Variants in PWWP3A observed in about 807,000 individuals in gnomAD.
PWWP3A encodes the protein PWWP domain-containing DNA repair factor 3A.
In PWWP3A, 53 loss-of-function variants were observed where a neutral mutation model predicts 79.0. The observed-to-expected ratio is 0.67, with a 90% CI of 0.54 to 0.84. The LOEUF is 0.84. Ranked by LOEUF, PWWP3A falls within the 40% of genes least tolerant of loss-of-function variation. The pLI, the probability that PWWP3A is intolerant of heterozygous loss-of-function variation, is 0.00. For synonymous variants in PWWP3A, 443 were observed against 394.4 expected (o/e 1.12, Z -1.46); for missense variants, 973 against 948.0 (o/e 1.03, Z -0.35).
rs2082195819 is a variant in PWWP3A at position 1,369,148 on chromosome 19, G to A, written c.1423-117G>A. Reference sequence around the variant, plus strand: ...CTTTGTCAGGGAGGGTCAGAGGTGCGGGCTGGAGCGTGAGCAGCCTGGACA... The same window carrying A: ...CTTTGTCAGGGAGGGTCAGAGGTGCAGGCTGGAGCGTGAGCAGCCTGGACA... On this transcript the variant is annotated intron_variant, in intron 9 of 13. Transcript: ENST00000591337. This position sits in a 1 kb window ranked among gnomAD's most constrained non-coding sequence, Gnocchi z 4.0. 9.3e-6 allele frequency: 8 copies of A among 857,194 alleles called. No homozygotes were observed. The highest frequency in any genetic ancestry group is 1.1e-5 in the Non-Finnish European group (6 of 522,536). The allele number at this position is 857,194 out of a possible 1,614,324, so 53.1% of individuals were successfully genotyped here.
chr19:1,366,789 C>A (rs913489691), intron 8 of PWWP3A, among the ~76,000 whole-genome samples: 1 of 152,246 alleles, frequency 6.6e-6, no homozygotes, highest in African/African-American at 2.4e-5. Flanking sequence ...TGAAAGCACA[C>A]GTGGATGGAT....
chr19:1,358,873 CAGTT>C (rs571226423), intron 4 of PWWP3A: 238 of 412,198 alleles, frequency 5.8e-4, no homozygotes, highest in Non-Finnish European at 9.6e-4. Flanking sequence ...GTTTGAGAAG[CAGTT>C]GGTTGTGTGT....
chr19:1,370,504 T>G, intron 11 of PWWP3A, 138 bp from the exon 12 acceptor site: 1 of 739,020 alleles, frequency 1.4e-6, no homozygotes, highest in South Asian at 2.9e-5. Context: ...AATGCTCCAC[T>G]CCCGTGCTAA....
chr19:1,373,375 C>A, intron 13 of PWWP3A: 1 of 585,350 alleles, frequency 1.7e-6, no homozygotes, highest in Non-Finnish European at 3.1e-6. Context: ...CCCAGCTGGT[C>A]GCTGTGGGCA....
At chr19:1,375,168 A>G (rs1203078383) in intron 13 of PWWP3A, among the ~76,000 whole-genome samples, 1 of 149,940 alleles carries the variant, frequency 6.7e-6, no homozygotes, top group Non-Finnish European at 1.5e-5. Flanking sequence ...GGTTGCAGTG[A>G]GCTGAGATTG....
rs1276005420 is a variant in PWWP3A at position 1,371,040 on chromosome 19, G to GACCGGATCC, written c.1949_1957dup (p.Ile652_Arg653insHisArgIle). 5 of 1,572,446 alleles carry GACCGGATCC rather than the reference G, an allele frequency of 3.2e-6. No homozygotes were observed. Among genetic ancestry groups the GACCGGATCC allele is most frequent in the Non-Finnish European group, 4.3e-6 (5 of 1,158,756 alleles). ...CAAGGTGCTCCAGCGCACCAACGGCGACCGGATCCGGTTCATTCTGGACGT... is the reference window on the plus strand; with the variant it reads ...CAAGGTGCTCCAGCGCACCAACGGCGACCGGATCCACCGGATCCGGTTCATTCTGGACGT... On this transcript the variant is annotated inframe_insertion, in exon 12 of 14. Coordinates refer to ENST00000591337, the MANE Select transcript of PWWP3A (RefSeq NM_001369789.1).
In PWWP3A at chr19:1,371,004, G is replaced by A; in HGVS notation, c.1912G>A (p.Glu638Lys). The change falls in exon 12 of 14, where the codon GAG becomes AAG. Residue 638 changes from glutamate (E) to lysine (K), a missense_variant. Physicochemically the swap from Glu to Lys is moderately conservative, Grantham distance 56 (BLOSUM62 1). Coordinates refer to ENST00000591337, the MANE Select transcript of PWWP3A (RefSeq NM_001369789.1). ...GAAGTACCTGCAGGGCGTCTACCAGGAGGTGGGGGCCAAGGTGCTCCAGCG... is the reference window on the plus strand; with the variant it reads ...GAAGTACCTGCAGGGCGTCTACCAGAAGGTGGGGGCCAAGGTGCTCCAGCG... The part of the protein sequence containing the change: ...VVKYLQGVYQ[E>K]VGAKVLQRTN... 6.4e-7 allele frequency: 1 copy of A among 1,571,776 alleles called. No homozygotes were observed. Among genetic ancestry groups the A allele is most frequent in the African/African-American group, 1.3e-5 (1 of 74,152 alleles).
In PWWP3A at chr19:1,358,437, C is replaced by T. The variant is rs906589885; in HGVS notation, c.187C>T (p.Gln63Ter). 4 of 1,614,098 alleles carry T rather than the reference C, an allele frequency of 2.5e-6. No homozygotes were observed. Among genetic ancestry groups the T allele is most frequent in the Non-Finnish European group, 3.4e-6 (4 of 1,180,002 alleles). Reference sequence around the variant, plus strand: ...TGAAGTTGAGATCCTAGAGAAGTCTCAAATTGAAGCCATTGCTTCCTCGTT... The same window carrying T: ...TGAAGTTGAGATCCTAGAGAAGTCTTAAATTGAAGCCATTGCTTCCTCGTT... ...STEVEILEKS[Q>*]IEAIASSLAS... The change falls in exon 4 of 14, where the codon CAA (glutamine) becomes TAA (stop). Residue 63 changes from glutamine to a stop codon, truncating the protein, a stop_gained. Transcript: ENST00000591337. LOFTEE classifies it high-confidence loss of function.
chr19:1,358,214 A>C (rs2081927348), intron 3 of PWWP3A, 180 bp from the exon 4 acceptor site: 2 of 501,880 alleles, frequency 4.0e-6, no homozygotes, highest in Non-Finnish European at 7.0e-6. Context: ...ACCATTCACC[A>C]GGGTTCTTGC....
Position 1,376,295 on chromosome 19 carries a change from G to GTTTTTTTT in PWWP3A, c.2076-220_2076-213dup, listed in dbSNP as rs754438911. The stretch of plus-strand genomic sequence containing the variant: ...CATGCGCCACCACGCCCGGCTGTTT[G>GTTTTTTTT]TTTTTTTTTTTGTTTGTTTTTTTTT... On this transcript the variant is annotated intron_variant, in intron 13 of 13. Coordinates refer to ENST00000591337, the MANE Select transcript of PWWP3A (RefSeq NM_001369789.1). 1.4e-3 allele frequency among the ~76,000 whole-genome samples: 91 copies of GTTTTTTTT among 67,024 alleles called. 5 individuals carry two copies. Among genetic ancestry groups the GTTTTTTTT allele is most frequent in the South Asian group, 1.9e-3 (3 of 1,570 alleles). The allele number at this position is 67,024 out of a possible 152,430, so 44.0% of individuals were successfully genotyped here. A position where few individuals can be genotyped will look rare whatever the true frequency, so the allele number is the denominator to read the frequency against.
At chr19:1,373,338 C>T in intron 13 of PWWP3A, 178 bp downstream of exon 13, 2 of 611,306 alleles carry the variant, frequency 3.3e-6, no homozygotes, top group South Asian at 3.9e-5. Flanking sequence ...GTCACTCCTG[C>T]CCCCCAGGAA....
chr19:1,366,313 C>T lies in PWWP3A; in HGVS notation c.1293C>T (p.Ser431=), dbSNP rs144294879. 63 of 1,613,960 alleles carry T rather than the reference C, an allele frequency of 3.9e-5. No homozygotes were observed. In the African/African-American group the frequency reaches 4.3e-4, roughly 11 times the overall value. Reference sequence around the variant, plus strand: ...CTTGGATTTGTGAACAGGTCAAAAGCGTCAGGCAGAGAGATAAGAAAGCAA... The same window carrying T: ...CTTGGATTTGTGAACAGGTCAAAAGTGTCAGGCAGAGAGATAAGAAAGCAA... ...KYPFWPAVVK[S]VRQRDKKASV... The change falls in exon 8 of 14, where the codon AGC becomes AGT. Residue 431 remains serine, a synonymous_variant. Transcript: ENST00000591337.
chr19:1,361,367 G>A (rs897393444), intron 5 of PWWP3A, among the ~76,000 whole-genome samples: 1 of 152,234 alleles, frequency 6.6e-6, no homozygotes, highest in East Asian at 1.9e-4. Context: ...GCTGCACCCC[G>A]AGGATTAACT....
intron 12 of PWWP3A, chr19:1,371,563 C>A: frequency 1.6e-6 from 1 of 608,652 alleles, no homozygotes; most frequent in Non-Finnish European, 2.9e-6. Context: ...TTTCGAACTT[C>A]AGCTGCGGAT....
intron 13 of PWWP3A, chr19:1,373,470 T>C (rs2082304451): frequency 7.9e-6 from 3 of 379,642 alleles, no homozygotes; most frequent in Admixed American, 8.4e-5. Flanking sequence ...TGCACTTTCC[T>C]CCCCTCTTTC....
chr19:1,376,054 C>A (rs1226158747), intron 13 of PWWP3A, among the ~76,000 whole-genome samples: 1 of 150,888 alleles, frequency 6.6e-6, no homozygotes, highest in Non-Finnish European at 1.5e-5. Flanking sequence ...CGTGATCCAC[C>A]CACCTCGGCC....
In PWWP3A at chr19:1,358,386, C is replaced by G. The variant is rs1410959583; in HGVS notation, c.144-8C>G. On this transcript the variant is annotated splice_polypyrimidine_tract_variant and splice_region_variant and intron_variant, in intron 3 of 13. Coordinates refer to ENST00000591337, the MANE Select transcript of PWWP3A (RefSeq NM_001369789.1). ...TGGTGGTGTGTAACGTCGATTTTGT[C>G]TCTGCAGAATTAAGGTGAAAAGCAC... 6.2e-7 allele frequency: 1 copy of G among 1,612,294 alleles called. No homozygotes were observed. The highest frequency in any genetic ancestry group is 1.7e-5 in the Admixed American group (1 of 59,822).
At chr19:1,367,511 ACAG>A (rs920510205) in intron 9 of PWWP3A, among the ~76,000 whole-genome samples, 1 of 152,238 alleles carries the variant, frequency 6.6e-6, no homozygotes, top group African/African-American at 2.4e-5. Flanking sequence ...AGGCAAGGCT[ACAG>A]CAGAGAGCCT....
rs1413119888 is a variant in PWWP3A at position 1,369,435 on chromosome 19, G to A, written c.1498+95G>A. 3.3e-6 allele frequency: 5 copies of A among 1,516,636 alleles called. No homozygotes were observed. The highest frequency in any genetic ancestry group is 2.7e-6 in the Non-Finnish European group (3 of 1,095,104). 93.9% of individuals were successfully genotyped at this position (1,516,636 alleles called of 1,614,324 possible). ...GCTGGGCCGGAGCTGCCTGGAGGCG[G>A]GGCATATTTCCGTGGGCCTGGGGCA... is the stretch of plus-strand genomic sequence containing the variant. On this transcript the variant is annotated intron_variant, in intron 10 of 13. Transcript: ENST00000591337. This position sits in a 1 kb window ranked among gnomAD's most constrained non-coding sequence, Gnocchi z 4.0.
Sources: gnomAD v4.1 joint callset for allele counts (sites outside exome capture counted in the v4.1 genomes callset) on GRCh38, gnomAD v4.1.1 for gene constraint, Gnocchi (gnomAD v3.1) non-coding constraint, MANE v1.5 for transcripts, NCBI Gene and HGNC (gene_info 2026-07-23, HGNC 2026-07-21) for gene names.